Variants in ATP2C1 observed in about 807,000 individuals in gnomAD.
The protein encoded by ATP2C1 is ATPase secretory pathway Ca2+ transporting 1.
A neutral mutation model predicts 120.5 loss-of-function variants in ATP2C1; 31 were observed. The observed-to-expected ratio is 0.26, with a 90% confidence interval of 0.19 to 0.35. The LOEUF is 0.35. ATP2C1 is among the 10% of genes least tolerant of loss of function. The pLI, the probability that ATP2C1 is intolerant of heterozygous loss-of-function variation, is 1.00. For synonymous variants in ATP2C1, 351 were observed against 358.7 expected, an observed-to-expected ratio of 0.98 and a Z score of 0.24; for missense variants, 731 against 1,107.5, an observed-to-expected ratio of 0.66 and a Z score of 4.83.
chr3:130,853,160 CA>C (rs771413085), intron 1 of ATP2C1, among the ~76,000 whole-genome samples: 45 of 152,126 alleles, frequency 3.0e-4, no homozygotes, highest in Non-Finnish European at 3.8e-4. Context: ...AAACCATTGT[CA>C]TTAGCCGTAA....
chr3:130,875,343 C>G (rs1320562945), intron 1 of ATP2C1, among the ~76,000 whole-genome samples: 2 of 152,160 alleles, frequency 1.3e-5, no homozygotes, highest in East Asian at 3.8e-4. Flanking sequence ...ATGAGTTCAA[C>G]TTTTGAGCTC....
chr3:130,933,667 C>T (rs2059548022), intron 4 of ATP2C1, among the ~76,000 whole-genome samples: 1 of 152,172 alleles, frequency 6.6e-6, no homozygotes, highest in African/African-American at 2.4e-5. Flanking sequence ...TCGTTAGAAT[C>T]ACTTGGGGAG....
At chr3:131,014,950 A>G (rs2063527350) in intron 26 of ATP2C1, among the ~76,000 whole-genome samples, 1 of 152,208 alleles carries the variant, frequency 6.6e-6, no homozygotes, top group East Asian at 1.9e-4. Flanking sequence ...TTCAAGAACA[A>G]TCCTGCTGTT....
At chr3:130,984,444 ATAAAC>A (rs1314262015) in intron 20 of ATP2C1, among the ~76,000 whole-genome samples, 2 of 152,196 alleles carry the variant, frequency 1.3e-5, no homozygotes, top group Admixed American at 1.3e-4. Flanking sequence ...TTATATTTCC[ATAAAC>A]TACACTTCAT....
chr3:130,905,254 CAT>C lies in ATP2C1; in HGVS notation c.6+10482_6+10483del, dbSNP rs2058068889. Among the ~76,000 whole-genome samples the C allele has an allele frequency of 2.6e-5, 4 of 152,106 alleles. No homozygotes were observed. The South Asian group carries it at 8.3e-4, about 32-fold the overall frequency. On this transcript the variant is annotated intron_variant, in intron 2 of 27. Transcript: ENST00000510168. ...ATATGTTTGGTAACATGTATGAACA[CAT>C]ATGTTTTTATTTTCTTATCTATCCA...
intron 2 of ATP2C1, among the ~76,000 whole-genome samples, chr3:130,896,651 G>A (rs1004819948): frequency 6.6e-6 from 1 of 152,108 alleles, no homozygotes; most frequent in Non-Finnish European, 1.5e-5. Context: ...ACAATTTGGA[G>A]GTGTGAAACA....
At position 130,934,691 on chromosome 3, in the gene ATP2C1, G is replaced by A; in HGVS notation, c.304G>A (p.Asp102Asn). The change falls in exon 5 of 28, where the codon GAT becomes AAT. Residue 102 changes from aspartate to asparagine, a missense_variant. Transcript: ENST00000510168. ...VISVLMHQFDDAVSITVAILI... is the reference protein window; with the variant it reads ...VISVLMHQFDNAVSITVAILI... ...CAGTGTTTTAATGCATCAGTTTGAT[G>A]ATGCCGTCAGTATCACTGTGGTAAG... 6.2e-7 allele frequency: 1 copy of A among 1,610,240 alleles called. No individual in the cohort carries two copies. Among genetic ancestry groups the A allele is most frequent in the Non-Finnish European group, 8.5e-7 (1 of 1,176,684 alleles).
intron 20 of ATP2C1, among the ~76,000 whole-genome samples, chr3:130,990,394 G>A (rs891433935): frequency 1.4e-4 from 21 of 151,620 alleles, no homozygotes; most frequent in Non-Finnish European, 2.1e-4. Flanking sequence ...AGGGACCCAT[G>A]TTATATCCGA....
chr3:130,893,850 G>A, upstream of ATP2C1: 3 of 884,878 alleles, frequency 3.4e-6, no homozygotes, highest in Non-Finnish European at 4.1e-6. Context: ...CACCAACCCC[G>A]AGCGACCTCC....
intron 8 of ATP2C1, among the ~76,000 whole-genome samples, chr3:130,953,122 T>C (rs932296209): frequency 2.6e-5 from 4 of 152,156 alleles, no homozygotes; most frequent in Non-Finnish European, 5.9e-5. Context: ...TGTATATATG[T>C]ATGTATGTGT....
At chr3:130,999,496 G>A (rs1420958098) in intron 26 of ATP2C1, 22 bp from the exon 27 acceptor site, 1 of 1,612,814 alleles carries the variant, frequency 6.2e-7, no homozygotes, top group African/African-American at 1.3e-5. Context: ...AGTAATAAAT[G>A]AACTCTCTGC....
chr3:130,917,587 T>C (rs1485468380), intron 2 of ATP2C1, among the ~76,000 whole-genome samples: 1 of 152,192 alleles, frequency 6.6e-6, no homozygotes, highest in African/African-American at 2.4e-5. Context: ...ACCTCGACAT[T>C]TAAAAACACT....
chr3:130,961,078 T>G (rs2060797225), intron 12 of ATP2C1, among the ~76,000 whole-genome samples: 1 of 152,048 alleles, frequency 6.6e-6, no homozygotes, highest in Non-Finnish European at 1.5e-5. Context: ...AGAATGTGTT[T>G]TTTTTTTTCT....
intron 2 of ATP2C1, among the ~76,000 whole-genome samples, chr3:130,917,174 G>T (rs566576238): frequency 1.3e-5 from 2 of 152,204 alleles, no homozygotes; most frequent in Admixed American, 6.5e-5. Context: ...GTAGGCTAAT[G>T]TAAGTGTTGC....
intron 1 of ATP2C1, among the ~76,000 whole-genome samples, chr3:130,854,588 G>A (rs2067777897): frequency 6.6e-6 from 1 of 152,190 alleles, no homozygotes; most frequent in Non-Finnish European, 1.5e-5. Context: ...GAGTGTGGAA[G>A]GGAGAATTTG....
rs1414264767 is a variant in ATP2C1, at chr3:130,975,400, G to T, written c.1482G>T (p.Gln494His). Residue 494 changes from glutamine to histidine, a missense_variant, in exon 18 of 28, where the codon CAG becomes CAT. Gln to His is a conservative substitution (Grantham distance 24). This residue lies in a region of ATP2C1 where 571 missense variants were observed against 845.9 expected (regional missense o/e 0.67). Transcript: ENST00000510168. ...EQVIKYCTTY[Q>H]SKGQTLTLTQ... ...TAATTAAGTACTGTACTACATACCA[G>T]AGCAAAGGGCAGACCTTGACACTTA... 1.9e-6 allele frequency: 3 copies of T among 1,613,778 alleles called. No individual in the cohort carries two copies. Among genetic ancestry groups the T allele is most frequent in the Admixed American group, 3.3e-5 (2 of 59,978 alleles).
chr3:131,007,265 C>T (rs939895309), downstream of ATP2C1, among the ~76,000 whole-genome samples: 5 of 152,184 alleles, frequency 3.3e-5, no homozygotes, highest in African/African-American at 1.2e-4. Context: ...CACAGCTGCT[C>T]CAGGTAGATG....
At chr3:130,880,983 T>C (rs907114226) in intron 1 of ATP2C1, among the ~76,000 whole-genome samples, 14 of 152,208 alleles carry the variant, frequency 9.2e-5, no homozygotes, top group Non-Finnish European at 7.3e-5. Context: ...GCAGAAAATA[T>C]CTGACTTCCA....
At chr3:130,935,330 A>C (rs1262848111) in intron 5 of ATP2C1, among the ~76,000 whole-genome samples, 2 of 152,248 alleles carry the variant, frequency 1.3e-5, no homozygotes, top group East Asian at 1.9e-4. Flanking sequence ...TGACATGTGA[A>C]ATTAAAAATA....
Sources: gnomAD v4.1 joint callset for allele counts (sites outside exome capture counted in the v4.1 genomes callset) on GRCh38, gnomAD v4.1.1 for gene constraint, gnomAD v4.1.1 regional missense constraint, MANE v1.5 for transcripts, NCBI Gene and HGNC (gene_info 2026-07-23, HGNC 2026-07-21) for gene names.